The following PLEKHS1 variants were observed in gnomAD, a reference collection of about 807,000 sequenced individuals.
The protein encoded by PLEKHS1 is pleckstrin homology domain containing S1.
In PLEKHS1, 55 loss-of-function variants were observed where a neutral mutation model predicts 51.0. That is an observed-to-expected ratio of 1.08 (90% CI 0.87 to 1.35). PLEKHS1 has a LOEUF of 1.35. Among genes scored for constraint, PLEKHS1 ranks in the 40% most tolerant of loss-of-function variants. The pLI, the probability that PLEKHS1 is intolerant of heterozygous loss-of-function variation, is 0.00. For synonymous variants in PLEKHS1, 153 were observed against 144.8 expected, an observed-to-expected ratio of 1.06 and a Z score of -0.41; for missense variants, 398 against 423.0, an observed-to-expected ratio of 0.94 and a Z score of 0.52.
chr10:113,779,439 G>A (rs570510808), intron 11 of PLEKHS1, among the ~76,000 whole-genome samples: 14 of 152,184 alleles, frequency 9.2e-5, no homozygotes, highest in African/African-American at 3.4e-4. Flanking sequence ...GCATGGTGGC[G>A]GGTGCCTGTT....
intron 11 of PLEKHS1, among the ~76,000 whole-genome samples, chr10:113,778,979 T>A (rs1247108768): frequency 1.3e-5 from 2 of 152,168 alleles, no homozygotes; most frequent in Admixed American, 6.5e-5. Context: ...CTGTGCTAAA[T>A]TCAAGAGCTA....
chr10:113,758,127 A>G (rs1843755719), intron 2 of PLEKHS1, among the ~76,000 whole-genome samples: 1 of 151,950 alleles, frequency 6.6e-6, no homozygotes, highest in Non-Finnish European at 1.5e-5. Context: ...TGATATTTTG[A>G]CCTCCTTCTA....
At chr10:113,768,468 A>G (rs1397018116) in intron 5 of PLEKHS1, among the ~76,000 whole-genome samples, 1 of 152,252 alleles carries the variant, frequency 6.6e-6, no homozygotes, top group African/African-American at 2.4e-5. Flanking sequence ...TCCCTAAGGG[A>G]AGGCCCACCT....
At chr10:113,755,274 C>T (rs971469277) in exon 2 of PLEKHS1, 1 of 1,608,072 alleles carries the variant, frequency 6.2e-7, no homozygotes, top group African/African-American at 1.3e-5. Flanking sequence ...GACACACAGC[C>T]ATCATGGAAC....
At chr10:113,779,694 A>C (rs138796068) in intron 11 of PLEKHS1, among the ~76,000 whole-genome samples, 1 of 152,300 alleles carries the variant, frequency 6.6e-6, no homozygotes, top group African/African-American at 2.4e-5. Flanking sequence ...AGAAGCCAAG[A>C]AAAGGGTTTT....
At chr10:113,776,494 A>G (rs975757136) in intron 11 of PLEKHS1, among the ~76,000 whole-genome samples, 5 of 152,216 alleles carry the variant, frequency 3.3e-5, no homozygotes, top group African/African-American at 1.2e-4. Context: ...TATAAGTTCT[A>G]AGAAGGGAGG....
chr10:113,767,295 T>C (rs200805404), intron 4 of PLEKHS1, 50 bp from the exon 5 acceptor site: 52 of 1,366,928 alleles, frequency 3.8e-5, no homozygotes, highest in Non-Finnish European at 4.7e-5. Flanking sequence ...ATATTAGTTT[T>C]CTATTTCTGT....
exon 7 of PLEKHS1, chr10:113,769,887 G>T: frequency 2.5e-6 from 4 of 1,612,812 alleles, no homozygotes; most frequent in Non-Finnish European, 3.4e-6. Flanking sequence ...CCAAGAAATG[G>T]TCTCCAAGAC....
At chr10:113,766,415 A>G (rs1343480303) in exon 3 of PLEKHS1, 1 of 1,561,404 alleles carries the variant, frequency 6.4e-7, no homozygotes, top group Non-Finnish European at 8.8e-7. Flanking sequence ...TATTAGGCAA[A>G]CAATTTACAT....
At chr10:113,776,546 C>A (rs1237867174) in intron 11 of PLEKHS1, among the ~76,000 whole-genome samples, 3 of 152,142 alleles carry the variant, frequency 2.0e-5, no homozygotes, top group Non-Finnish European at 4.4e-5. Context: ...CAATCTAAGG[C>A]TCAATACACA....
At chr10:113,758,233 T>C (rs1164731608) in intron 2 of PLEKHS1, among the ~76,000 whole-genome samples, 1 of 152,222 alleles carries the variant, frequency 6.6e-6, no homozygotes, top group African/African-American at 2.4e-5. Flanking sequence ...AATCACGATC[T>C]ACAACAGCTA....
At chr10:113,778,537 C>T (rs1844766385) in intron 11 of PLEKHS1, among the ~76,000 whole-genome samples, 1 of 152,154 alleles carries the variant, frequency 6.6e-6, no homozygotes, top group Admixed American at 6.5e-5. Context: ...TGTGCCATCC[C>T]TATTACTCAT....
At chr10:113,775,444 G>A (rs999363045) in intron 10 of PLEKHS1, among the ~76,000 whole-genome samples, 1 of 152,116 alleles carries the variant, frequency 6.6e-6, no homozygotes, top group South Asian at 2.1e-4. Context: ...CATTTGGTAC[G>A]ATTGATGTAA....
chr10:113,766,721 G>A lies in PLEKHS1; in HGVS notation c.224+3G>A. On this transcript the variant is annotated splice_donor_region_variant and intron_variant, in intron 4 of 11. Transcript: ENST00000361048. ...CGAGGTTCCATTGAAATTGATCAGT[G>A]TGTATCCAAGCAGGAAAACTTTTAT... 1.3e-6 allele frequency: 2 copies of A among 1,582,298 alleles called. No homozygotes were observed. Among genetic ancestry groups the A allele is most frequent in the Non-Finnish European group, 1.7e-6 (2 of 1,166,198 alleles).
rs1011274306 is a variant in PLEKHS1, at chr10:113,762,046, G to T, written c.29-4365G>T. Among the ~76,000 whole-genome samples the T allele has an allele frequency of 5.3e-5, 8 of 151,988 alleles. No individual in the cohort carries two copies. In the East Asian group the frequency reaches 1.5e-3, roughly 29 times the overall value. On this transcript the variant is annotated intron_variant, in intron 2 of 11. Transcript: ENST00000361048. The stretch of plus-strand genomic sequence containing the variant: ...ATTTCTTCTTCAGTGACCTTTGTTG[G>T]TGTAGTTCAAGGAATTTTTCAGTTT...
chr10:113,769,178 T>A (rs1844291917), intron 6 of PLEKHS1, among the ~76,000 whole-genome samples: 1 of 152,246 alleles, frequency 6.6e-6, no homozygotes, highest in Non-Finnish European at 1.5e-5. Flanking sequence ...GTATTTTCCA[T>A]CATTGTTATT....
rs780338133 is a variant in PLEKHS1 at position 113,774,993 on chromosome 10, G to A, written c.947G>A (p.Gly316Glu). 3.1e-6 allele frequency: 5 copies of A among 1,613,946 alleles called. No individual in the cohort carries two copies. In the African/African-American group the frequency reaches 6.7e-5, roughly 22 times the overall value. Residue 316 changes from glycine to glutamate, a missense_variant, in exon 10 of 12, where the codon GGG (glycine) becomes GAG (glutamate). Transcript: ENST00000361048. Reference sequence around the variant, plus strand: ...GCACAGACCACAAATGACCAAAAGGGGTCGGCCTCACTAACTGTTGTGCAA... The same window carrying A: ...GCACAGACCACAAATGACCAAAAGGAGTCGGCCTCACTAACTGTTGTGCAA...
intron 6 of PLEKHS1, among the ~76,000 whole-genome samples, 158 bp from the exon 7 acceptor site, chr10:113,769,626 C>T (rs753543621): frequency 1.3e-4 from 20 of 152,130 alleles, no homozygotes; most frequent in Non-Finnish European, 2.4e-4. Context: ...GAGACAAGTT[C>T]GGCTCTTGTC....
intron 2 of PLEKHS1, among the ~76,000 whole-genome samples, chr10:113,758,870 T>TATG (rs1167048861): frequency 2.6e-5 from 4 of 152,190 alleles, no homozygotes; most frequent in Admixed American, 2.6e-4. Context: ...CTCTAATAGA[T>TATG]ATGATGATGA....
Sources: gnomAD v4.1 joint callset for allele counts (sites outside exome capture counted in the v4.1 genomes callset) on GRCh38, gnomAD v4.1.1 for gene constraint, MANE v1.5 for transcripts, NCBI Gene and HGNC (gene_info 2026-07-23, HGNC 2026-07-21) for gene names.